PRSS16: variants seen among roughly 807,000 people sequenced by gnomAD.
PRSS16 encodes serine protease 16, also known as thymus-specific serine protease.
In PRSS16, 43 loss-of-function variants were observed where a neutral mutation model predicts 61.7. The observed-to-expected ratio is 0.70, with a 90% CI of 0.55 to 0.90. The LOEUF (loss-of-function observed/expected upper bound fraction) is 0.90. Among genes scored for constraint, PRSS16 ranks in the 40% least tolerant of loss-of-function variants. The probability of loss-of-function intolerance (pLI) is 0.00; values close to 1 mark genes in which losing one functional copy is unlikely to be tolerated. For missense variants in PRSS16, 591 were observed against 659.1 expected (o/e 0.90, Z 1.13); for synonymous variants, 273 against 285.2 (o/e 0.96, Z 0.43).
Position 27,255,442 on chromosome 6 carries a change from C to A in PRSS16, c.*127C>A. 1.1e-6 allele frequency: 1 copy of A among 941,894 alleles called. No individual in the cohort carries two copies. The highest frequency in any genetic ancestry group is 1.6e-6 in the Non-Finnish European group (1 of 625,148). The allele number at this position is 941,894 out of a possible 1,614,324, so 58.3% of individuals were successfully genotyped here. On this transcript the variant is annotated 3_prime_UTR_variant, in exon 12 of 12. Transcript: ENST00000230582. The surrounding 1 kb of genome is among the most constrained non-coding windows in gnomAD (Gnocchi z 4.4). ...GAATTGGAATTCAGCACCTGTTCCG[C>A]ACGTAATTGGCATGTGTCTGCAAAC...
At chr6:27,254,939 T>C in intron 10 of PRSS16, 47 bp from the exon 11 acceptor site, 1 of 1,611,646 alleles carries the variant, frequency 6.2e-7, no homozygotes, top group Non-Finnish European at 8.5e-7. Flanking sequence ...AGCCTCATCC[T>C]CTCCCAGCAC....
chr6:27,255,204 G>C lies in PRSS16; in HGVS notation c.1477-43G>C, dbSNP rs1760005144. The C allele has an allele frequency of 6.2e-7, 1 of 1,613,392 alleles. No homozygotes were observed. The highest frequency in any genetic ancestry group is 1.3e-5 in the African/African-American group (1 of 74,896). ...CACTTGCATGTTCCCTCCTTCTGCT[G>C]GTGCTGAAATCTGACTTTCAAATTC... On this transcript the variant is annotated intron_variant, in intron 11 of 11. Coordinates refer to ENST00000230582, the MANE Select transcript of PRSS16 (RefSeq NM_005865.4). The surrounding 1 kb of genome is among the most constrained non-coding windows in gnomAD (Gnocchi z 4.4).
Position 27,255,633 on chromosome 6 carries a change from A to T in PRSS16, c.*318A>T. 1.1e-5 allele frequency: 3 copies of T among 265,602 alleles called. No homozygotes were observed. The highest frequency in any genetic ancestry group is 2.3e-5 in the African/African-American group (1 of 44,216). 16.5% of individuals were successfully genotyped at this position (265,602 alleles called of 1,614,324 possible). On this transcript the variant is annotated 3_prime_UTR_variant, in exon 12 of 12. Transcript: ENST00000230582. The surrounding 1 kb of genome is among the most constrained non-coding windows in gnomAD (Gnocchi z 4.4). ...ATCAGATTCTGGTTCAAATTCTGCC[A>T]CTCCAGCTCCTGGGTTAGGGGCTTT... is the stretch of plus-strand genomic sequence containing the variant.
rs751440794 is a variant in PRSS16 at position 27,251,806 on chromosome 6, T to TG, written c.778dup (p.Ala260GlyfsTer20). On this transcript the variant is annotated frameshift_variant, in exon 8 of 12. Transcript: ENST00000230582. LOFTEE classifies it high-confidence loss of function. The surrounding 1 kb of genome is among the most constrained non-coding windows in gnomAD (Gnocchi z 5.6). ...AAGTGGAGCGGCGGCTGCGCTCGGG[T>TG]GGGGCGGCTCAAGCAGCATTGCGGA... 1.9e-6 allele frequency: 3 copies of TG among 1,603,818 alleles called. No homozygotes were observed. Among genetic ancestry groups the TG allele is most frequent in the Non-Finnish European group, 2.5e-6 (3 of 1,177,808 alleles).
In PRSS16 at chr6:27,252,704, C is replaced by A. The variant is rs1451397018; in HGVS notation, c.1009-104C>A. 7.7e-6 allele frequency: 10 copies of A among 1,304,090 alleles called. No homozygotes were observed. The highest frequency in any genetic ancestry group is 9.7e-6 in the Non-Finnish European group (9 of 932,092). The allele number at this position is 1,304,090 out of a possible 1,614,324, so 80.8% of individuals were successfully genotyped here. ...TCCCAGGAGAACTCAGGAACTCACC[C>A]TTCTATTTCTGACTTTTGACCTCTG... On this transcript the variant is annotated intron_variant, in intron 8 of 11. Transcript: ENST00000230582. The surrounding 1 kb of genome is among the most constrained non-coding windows in gnomAD (Gnocchi z 4.2).
intron 9 of PRSS16, 84 bp from the exon 10 acceptor site, chr6:27,254,609 A>C (rs1759988212): frequency 7.5e-7 from 1 of 1,325,384 alleles, no homozygotes; most frequent in African/African-American, 1.5e-5. Flanking sequence ...TCTGGTCATC[A>C]CTGAGGAAAG....
chr6:27,254,712 C>T lies in PRSS16; in HGVS notation c.1170C>T (p.Pro390=). The T allele has an allele frequency of 6.2e-7, 1 of 1,613,612 alleles. No homozygotes were observed. Among genetic ancestry groups the T allele is most frequent in the Non-Finnish European group, 8.5e-7 (1 of 1,179,522 alleles). The change falls in exon 10 of 12, where the codon CCC becomes CCT. Residue 390 remains proline, a synonymous_variant. Transcript: ENST00000230582. ...ACACAGATGTCACCTGTGAGAATCC[C>T]AGATGTCCTTTCTCCCAGCTCCCAG... The part of the protein sequence containing the change: ...EFGFYVTCEN[P]RCPFSQLPAL...
rs959988883 is a variant in PRSS16 at position 27,247,751 on chromosome 6, T to G, written c.14T>G (p.Leu5Arg). The change falls in exon 1 of 12, where the codon CTT (leucine) becomes CGT (arginine). Residue 5 changes from leucine to arginine, a missense_variant. By Grantham distance (102) the Leu-to-Arg change is moderately radical. Coordinates refer to ENST00000230582, the MANE Select transcript of PRSS16 (RefSeq NM_005865.4). ...GTCCCGAACACCATGGCCGTCTGGC[T>G]TGCCCAGTGGCTGGGCCCTCTGCTC... MAVWLAQWLGPLLLV... is the reference protein window; with the variant it reads MAVWRAQWLGPLLLV... 3.8e-6 allele frequency: 6 copies of G among 1,582,046 alleles called. No homozygotes were observed. In the East Asian group the frequency reaches 1.2e-4, roughly 31 times the overall value.
chr6:27,250,848 G>T, intron 5 of PRSS16, 42 bp downstream of exon 5: 1 of 1,579,066 alleles, frequency 6.3e-7, no homozygotes. Context: ...AGGGAACTCG[G>T]ACTCCAGGGC....
chr6:27,253,106 A>T, intron 9 of PRSS16, 157 bp downstream of exon 9: 1 of 931,852 alleles, frequency 1.1e-6, no homozygotes, highest in Non-Finnish European at 1.7e-6. Flanking sequence ...AAGCCATACT[A>T]GTGTATGCAT....
rs763189755 is a variant in PRSS16, at chr6:27,255,181, C to T, written c.1476+50C>T. The T allele has an allele frequency of 5.6e-6, 9 of 1,613,854 alleles. No individual in the cohort carries two copies. The South Asian group carries it at 6.6e-5, about 12-fold the overall frequency. On this transcript the variant is annotated intron_variant, in intron 11 of 11. Coordinates refer to ENST00000230582, the MANE Select transcript of PRSS16 (RefSeq NM_005865.4). This position sits in a 1 kb window ranked among gnomAD's most constrained non-coding sequence, Gnocchi z 4.4. Reference sequence around the variant, plus strand: ...ATTTGCATTCTCATTTGAATAATCACTTGCATGTTCCCTCCTTCTGCTGGT... The same window carrying T: ...ATTTGCATTCTCATTTGAATAATCATTTGCATGTTCCCTCCTTCTGCTGGT...
Position 27,250,791 on chromosome 6 carries a change from C to T in PRSS16, c.576C>T (p.Ala192=). The T allele has an allele frequency of 5.6e-6, 9 of 1,610,336 alleles. No homozygotes were observed. Among genetic ancestry groups the T allele is most frequent in the Non-Finnish European group, 6.8e-6 (8 of 1,178,436 alleles). Residue 192 remains alanine, a synonymous_variant, in exon 5 of 12, where the codon GCC becomes GCT. Coordinates refer to ENST00000230582, the MANE Select transcript of PRSS16 (RefSeq NM_005865.4). ...FGGSYAGSLA[A]WARLKFPHLI... ...GCTCCTATGCCGGCTCCTTGGCCGC[C>T]TGGGCCCGGCTGAAGGTCCTGCGAC...
rs1026623710 is a variant in PRSS16 at position 27,251,300 on chromosome 6, G to T, written c.717+36G>T. On this transcript the variant is annotated intron_variant, in intron 7 of 11. Coordinates refer to ENST00000230582, the MANE Select transcript of PRSS16 (RefSeq NM_005865.4). This position sits in a 1 kb window ranked among gnomAD's most constrained non-coding sequence, Gnocchi z 5.6. ...GGGCCTAGTCCGAGGGGGACTGGGA[G>T]GGAAAAGAGGCCTCGGATGCCAGGG... 1 of 1,562,842 alleles carries T rather than the reference G, an allele frequency of 6.4e-7. No individual in the cohort carries two copies. The highest frequency in any genetic ancestry group is 1.9e-5 in the Admixed American group (1 of 52,904).
Position 27,255,233 on chromosome 6 carries a change from C to T in PRSS16, c.1477-14C>T, listed in dbSNP as rs764978626. 6.2e-7 allele frequency: 1 copy of T among 1,613,918 alleles called. No homozygotes were observed. The highest frequency in any genetic ancestry group is 1.3e-5 in the African/African-American group (1 of 74,894). ...CTGAAATCTGACTTTCAAATTCTTCCCACCTCCCCACAGAACATCTTCCAG... is the reference window on the plus strand; with the variant it reads ...CTGAAATCTGACTTTCAAATTCTTCTCACCTCCCCACAGAACATCTTCCAG... On this transcript the variant is annotated splice_polypyrimidine_tract_variant and intron_variant, in intron 11 of 11. Coordinates refer to ENST00000230582, the MANE Select transcript of PRSS16 (RefSeq NM_005865.4). This position sits in a 1 kb window ranked among gnomAD's most constrained non-coding sequence, Gnocchi z 4.4.
chr6:27,251,556 C>T lies in PRSS16; in HGVS notation c.718-194C>T. The T allele has an allele frequency of 2.7e-6, 2 of 746,538 alleles. No individual in the cohort carries two copies. Among genetic ancestry groups the T allele is most frequent in the South Asian group, 4.1e-5 (2 of 48,910 alleles). 46.2% of individuals were successfully genotyped at this position (746,538 alleles called of 1,614,324 possible). On this transcript the variant is annotated intron_variant, in intron 7 of 11. Coordinates refer to ENST00000230582, the MANE Select transcript of PRSS16 (RefSeq NM_005865.4). This position sits in a 1 kb window ranked among gnomAD's most constrained non-coding sequence, Gnocchi z 5.6. ...TGGAGGACGGGGCCTGCAGGGAAGA[C>T]CCGAGAAGGAGGGCTGCGAGGCAGG...
chr6:27,254,687 A>G lies in PRSS16; in HGVS notation c.1151-6A>G, dbSNP rs752168867. Reference sequence around the variant, plus strand: ...TACCCACACTTACAGGTATCTCCCTACACAGATGTCACCTGTGAGAATCCC... The same window carrying G: ...TACCCACACTTACAGGTATCTCCCTGCACAGATGTCACCTGTGAGAATCCC... On this transcript the variant is annotated splice_polypyrimidine_tract_variant and splice_region_variant and intron_variant, in intron 9 of 11. Transcript: ENST00000230582. 1 of 1,607,052 alleles carries G rather than the reference A, an allele frequency of 6.2e-7. No individual in the cohort carries two copies.
rs147127802 is a variant in PRSS16 at position 27,247,998 on chromosome 6, G to A, written c.187G>A (p.Glu63Lys). Residue 63 changes from glutamate (E) to lysine (K), a missense_variant, in exon 2 of 12, where the codon GAG (glutamate) becomes AAG (lysine). By Grantham distance (56) the Glu-to-Lys change is moderately conservative. Transcript: ENST00000230582. ...AGCCCTCCCAAAAGTGGGGTGGCTG[G>A]AGCAACTGCTGGACCCCTTCAACGT... ...AAALPKVGWL[E>K]QLLDPFNVSD... 2.5e-6 allele frequency: 4 copies of A among 1,613,586 alleles called. No individual in the cohort carries two copies. Among genetic ancestry groups the A allele is most frequent in the Non-Finnish European group, 3.4e-6 (4 of 1,179,830 alleles).
Position 27,255,303 on chromosome 6 carries a change from G to T in PRSS16, c.1533G>T (p.Lys511Asn). The T allele has an allele frequency of 6.4e-7, 1 of 1,561,374 alleles. No individual in the cohort carries two copies. Among genetic ancestry groups the T allele is most frequent in the South Asian group, 1.1e-5 (1 of 89,060 alleles). Reference sequence around the variant, plus strand: ...AGCTGGCAAAGGAGAGCCAGATTAAGGGTGAAGTCTGAATCTCATACCCTT... The same window carrying T: ...AGCTGGCAAAGGAGAGCCAGATTAATGGTGAAGTCTGAATCTCATACCCTT... The part of the protein sequence containing the change: ...WLKLAKESQI[K>N]GEV Residue 511 changes from lysine (K) to asparagine (N), a missense_variant, in exon 12 of 12, where the codon AAG becomes AAT. Coordinates refer to ENST00000230582, the MANE Select transcript of PRSS16 (RefSeq NM_005865.4). The surrounding 1 kb of genome is among the most constrained non-coding windows in gnomAD (Gnocchi z 4.4).
In PRSS16 at chr6:27,251,471, G is replaced by A; in HGVS notation, c.717+207G>A. 2 of 773,566 alleles carry A rather than the reference G, an allele frequency of 2.6e-6. No homozygotes were observed. The highest frequency in any genetic ancestry group is 3.9e-5 in the South Asian group (2 of 51,390). 47.9% of individuals were successfully genotyped at this position (773,566 alleles called of 1,614,324 possible). ...AAAAGAGGCGCTCCCCAGAGAGGGCGGGGTTTGGGCAGGGACAATCCTATC... is the reference window on the plus strand; with the variant it reads ...AAAAGAGGCGCTCCCCAGAGAGGGCAGGGTTTGGGCAGGGACAATCCTATC... On this transcript the variant is annotated intron_variant, in intron 7 of 11. Transcript: ENST00000230582. This position sits in a 1 kb window ranked among gnomAD's most constrained non-coding sequence, Gnocchi z 5.6.
Sources: allele counts gnomAD v4.1 joint callset, GRCh38; gene constraint gnomAD v4.1.1; non-coding constraint Gnocchi (gnomAD v3.1); transcripts MANE v1.5; gene names NCBI Gene and HGNC (gene_info 2026-07-23, HGNC 2026-07-21).